Variants in PIK3R5 observed in about 807,000 individuals in gnomAD.
PIK3R5 encodes phosphoinositide 3-kinase regulatory subunit 5.
Under a neutral mutation model 94.9 loss-of-function variants are expected in PIK3R5, and 32 were observed. The ratio of observed to expected loss-of-function variants is 0.34; its 90% CI spans 0.25 to 0.45. The LOEUF (loss-of-function observed/expected upper bound fraction) is 0.45. Ranked by LOEUF, PIK3R5 falls within the 20% of genes least tolerant of loss-of-function variation. The pLI, the probability that PIK3R5 is intolerant of heterozygous loss-of-function variation, is 1.00. For synonymous variants in PIK3R5, 443 were observed against 479.4 expected, an observed-to-expected ratio of 0.92 and a Z score of 0.99; for missense variants, 853 against 1,144.6, an observed-to-expected ratio of 0.75 and a Z score of 3.68.
At chr17:8,885,527 A>C (rs2089807844) in intron 14 of PIK3R5, among the ~76,000 whole-genome samples, 1 of 107,866 alleles carries the variant, frequency 9.3e-6, no homozygotes, top group African/African-American at 3.6e-5. Context: ...CCATCTTCCC[A>C]TGGCCCTGCC....
At chr17:8,929,008 G>A (rs1316583458) in intron 1 of PIK3R5, among the ~76,000 whole-genome samples, 2 of 152,166 alleles carry the variant, frequency 1.3e-5, no homozygotes, top group Admixed American at 1.3e-4. Context: ...GGGAGGTACA[G>A]TTCACTAGGA....
At chr17:8,959,411 G>T (rs1294557508) in intron 1 of PIK3R5, among the ~76,000 whole-genome samples, 1 of 90,194 alleles carries the variant, frequency 1.1e-5, no homozygotes, top group Non-Finnish European at 3.0e-5. Flanking sequence ...AACTTTGAGC[G>T]AGAGAGACTG....
Position 8,935,573 on chromosome 17 carries a change from C to G in PIK3R5, c.-13-24066G>C, listed in dbSNP as rs1383409267. 6.6e-6 allele frequency among the ~76,000 whole-genome samples: 1 copy of G among 152,132 alleles called. No homozygotes were observed. The highest frequency in any genetic ancestry group is 1.5e-5 in the Non-Finnish European group (1 of 68,034). ...GAGCTGTTCCTAAGACCTCAGAGTA[C>G]AAATACAGGATAATTTATATTTCTA... On this transcript the variant is annotated intron_variant, in intron 1 of 18. Transcript: ENST00000447110. This position sits in a 1 kb window ranked among gnomAD's most constrained non-coding sequence, Gnocchi z 4.5.
intron 14 of PIK3R5, among the ~76,000 whole-genome samples, chr17:8,885,442 T>C (rs1597372265): frequency 1.1e-5 from 1 of 92,910 alleles, no homozygotes; most frequent in Middle Eastern, 8.9e-3. Context: ...CCTCGCCTCC[T>C]GGGTAACCCC....
chr17:8,900,505 A>C (rs1426149956), intron 5 of PIK3R5, among the ~76,000 whole-genome samples: 1 of 152,222 alleles, frequency 6.6e-6, no homozygotes, highest in African/African-American at 2.4e-5. Context: ...TGCCATGGGT[A>C]CTTGGCTTGA....
Position 8,892,773 on chromosome 17 carries a change from G to A in PIK3R5, c.482+813C>T, listed in dbSNP as rs1216280187. 6.6e-6 allele frequency among the ~76,000 whole-genome samples: 1 copy of A among 152,214 alleles called. No homozygotes were observed. Among genetic ancestry groups the A allele is most frequent in the Admixed American group, 6.5e-5 (1 of 15,286 alleles). On this transcript the variant is annotated intron_variant, in intron 6 of 18. Transcript: ENST00000447110. The surrounding 1 kb of genome is among the most constrained non-coding windows in gnomAD (Gnocchi z 4.3). The stretch of plus-strand genomic sequence containing the variant: ...GAGTGAGTGGGAAGTGAACCCCTGG[G>A]GCTGGGAATGAGGAGGGCCGGGGGC...
Position 8,911,411 on chromosome 17 carries a change from G to A in PIK3R5, c.84C>T (p.Arg28=), listed in dbSNP as rs1440499280. Residue 28 remains arginine (R), a synonymous_variant, in exon 2 of 19, where the codon CGC becomes CGT. Coordinates refer to ENST00000447110, the MANE Select transcript of PIK3R5 (RefSeq NM_001142633.3). The surrounding 1 kb of genome is among the most constrained non-coding windows in gnomAD (Gnocchi z 5.3). The part of the protein sequence containing the change: ...ERCLHGLSLS[R]RSTSWSAGLC... ...ACCGACCTGACCAGGAGGTGGAGCG[G>A]CGGCTGAGGCTGAGTCCATGCAGGC... 1 of 1,599,838 alleles carries A rather than the reference G, an allele frequency of 6.3e-7. No homozygotes were observed. The highest frequency in any genetic ancestry group is 8.5e-7 in the Non-Finnish European group (1 of 1,179,866).
chr17:8,949,548 AG>A (rs1280681612), intron 1 of PIK3R5, among the ~76,000 whole-genome samples: 1 of 151,626 alleles, frequency 6.6e-6, no homozygotes, highest in Non-Finnish European at 1.5e-5. Flanking sequence ...GAGACAGATT[AG>A]AAAATGTTGT....
intron 1 of PIK3R5, among the ~76,000 whole-genome samples, chr17:8,921,334 T>C (rs1311583063): frequency 3.9e-5 from 6 of 152,242 alleles, no homozygotes; most frequent in Admixed American, 2.0e-4. Context: ...TCTTGCTCAC[T>C]CAAGTATTTC....
intron 1 of PIK3R5, among the ~76,000 whole-genome samples, chr17:8,963,027 G>A (rs1410058271): frequency 6.6e-6 from 1 of 152,110 alleles, no homozygotes; most frequent in African/African-American, 2.4e-5. Context: ...TCACTCTGTT[G>A]CCCAGGCTGG....
At chr17:8,902,865 A>G (rs2151395055) in intron 5 of PIK3R5, among the ~76,000 whole-genome samples, 1 of 140,898 alleles carries the variant, frequency 7.1e-6, no homozygotes, top group African/African-American at 2.8e-5. Context: ...TTTTTTTGAG[A>G]CAGAGTTTCG....
chr17:8,936,116 A>C (rs2091071796), intron 1 of PIK3R5, among the ~76,000 whole-genome samples: 2 of 152,008 alleles, frequency 1.3e-5, no homozygotes, highest in Admixed American at 1.3e-4. Context: ...TTAATTCTTA[A>C]AGTAGTTTTA....
intron 4 of PIK3R5, 42 bp downstream of exon 4, chr17:8,905,627 C>A (rs763079006): frequency 5.4e-6 from 8 of 1,491,350 alleles, no homozygotes; most frequent in Non-Finnish European, 6.4e-6. Context: ...CGCTCCTCCC[C>A]CTCCTCCCTC....
chr17:8,913,902 G>A (rs572671240), intron 1 of PIK3R5, among the ~76,000 whole-genome samples: 9 of 152,228 alleles, frequency 5.9e-5, no homozygotes, highest in African/African-American at 2.2e-4. Context: ...GAGCCAGACC[G>A]GGCAGACCCC....
At chr17:8,933,127 A>G (rs2091015610) in intron 1 of PIK3R5, among the ~76,000 whole-genome samples, 1 of 152,216 alleles carries the variant, frequency 6.6e-6, no homozygotes, top group African/African-American at 2.4e-5. Flanking sequence ...AGGACTTTCA[A>G]CCTAAAATTC....
intron 5 of PIK3R5, among the ~76,000 whole-genome samples, chr17:8,894,360 C>T (rs1006082133): frequency 6.6e-6 from 1 of 152,208 alleles, no homozygotes; most frequent in African/African-American, 2.4e-5. Context: ...AGGCACCTCT[C>T]AGCCCATCCA....
rs1250429163 is a variant in PIK3R5 at position 8,887,546 on chromosome 17, T to A, written c.1754A>T (p.Asp585Val). The A allele has an allele frequency of 4.4e-6, 7 of 1,606,964 alleles. No homozygotes were observed. Among genetic ancestry groups the A allele is most frequent in the Non-Finnish European group, 5.9e-6 (7 of 1,177,234 alleles). ...PRSQTPSPPT[D>V]SPRHASPGEL... Reference sequence around the variant, plus strand: ...TCCAGGGCTGGCGTGCCTAGGGGAGTCTGTCGGGGGTGAGGGCGTCTGGCT... The same window carrying A: ...TCCAGGGCTGGCGTGCCTAGGGGAGACTGTCGGGGGTGAGGGCGTCTGGCT... Residue 585 changes from aspartate to valine, a missense_variant, in exon 11 of 19, where the codon GAC becomes GTC. Asp to Val is a radical substitution (Grantham distance 152). This residue lies in a region of PIK3R5 where 319 missense variants were observed against 339.8 expected (regional missense o/e 0.94). Transcript: ENST00000447110.
In PIK3R5 at chr17:8,884,121, C is replaced by T. The variant is rs454852; in HGVS notation, c.2205+586G>A. On this transcript the variant is annotated intron_variant, in intron 15 of 18. Coordinates refer to ENST00000447110, the MANE Select transcript of PIK3R5 (RefSeq NM_001142633.3). This position sits in a 1 kb window ranked among gnomAD's most constrained non-coding sequence, Gnocchi z 5.8. ...CTTCCCTGCTCAACCCCTCTTTTCCCCTGCCCAGCACAGAGGCAGCATGGG... is the reference window on the plus strand; with the variant it reads ...CTTCCCTGCTCAACCCCTCTTTTCCTCTGCCCAGCACAGAGGCAGCATGGG... Among the ~76,000 whole-genome samples the T allele has an allele frequency of 0.19, 28,909 of 152,136 alleles. 3,826 individuals are homozygous for T. Among genetic ancestry groups the T allele is most frequent in the African/African-American group, 0.37 (15,386 of 41,450 alleles).
At chr17:8,885,432 C>A (rs1567632790) in intron 14 of PIK3R5, among the ~76,000 whole-genome samples, 1 of 138,706 alleles carries the variant, frequency 7.2e-6, no homozygotes, top group East Asian at 2.1e-4. Context: ...CTCCCCATGG[C>A]CTCGCCTCCT....
Sources: gnomAD v4.1 joint callset for allele counts (sites outside exome capture counted in the v4.1 genomes callset) on GRCh38, gnomAD v4.1.1 for gene constraint, gnomAD v4.1.1 regional missense constraint, Gnocchi (gnomAD v3.1) non-coding constraint, MANE v1.5 for transcripts, NCBI Gene and HGNC (gene_info 2026-07-23, HGNC 2026-07-21) for gene names.